RASA3: variants seen among roughly 807,000 people sequenced by gnomAD.
RASA3 encodes RAS p21 protein activator 3, also known as ras GTPase-activating protein 3.
In RASA3, 73 loss-of-function variants were observed where a neutral mutation model predicts 110.0. The observed-to-expected ratio is 0.66, with a 90% CI of 0.55 to 0.81. The LOEUF (loss-of-function observed/expected upper bound fraction) is 0.81, where lower values mean the gene tolerates loss of function less well. Ranked by LOEUF, RASA3 falls within the 30% of genes least tolerant of loss-of-function variation. The pLI, the probability that RASA3 is intolerant of heterozygous loss-of-function variation, is 0.00. For missense variants in RASA3, 976 were observed against 1,113.2 expected (o/e 0.88, Z 1.75); for synonymous variants, 500 against 451.4 (o/e 1.11, Z -1.37).
chr13:114,017,283 G>C lies in RASA3; in HGVS notation c.1160C>G (p.Ala387Gly). ...GGTGACATGCAGGTAATGCATCCCCGCCAGCTTCATGGTCTCGTCGATGCA... is the reference window on the plus strand; with the variant it reads ...GGTGACATGCAGGTAATGCATCCCCCCCAGCTTCATGGTCTCGTCGATGCA... ...SKCIDETMKL[A>G]GMHYLHVTLK... is the part of the protein sequence containing the mutation. The change falls in exon 12 of 24, where the codon GCG becomes GGG. Residue 387 changes from alanine (A) to glycine (G), a missense_variant. Ala to Gly is a moderately conservative substitution (Grantham distance 60). Around this residue, in one of 4 missense-constraint regions of RASA3, gnomAD observed 732 missense variants for 779.7 expected, o/e 0.94. Transcript: ENST00000334062. 1 of 1,613,866 alleles carries C rather than the reference G, an allele frequency of 6.2e-7. No individual in the cohort carries two copies. The highest frequency in any genetic ancestry group is 8.5e-7 in the Non-Finnish European group (1 of 1,180,014).
At chr13:114,023,144 C>G (rs1262318549) in intron 8 of RASA3, among the ~76,000 whole-genome samples, 1 of 152,250 alleles carries the variant, frequency 6.6e-6, no homozygotes, top group Non-Finnish European at 1.5e-5. Flanking sequence ...CAGTGTTAGC[C>G]CCTGGGAGGG....
chr13:114,102,689 C>T (rs2080074993), intron 1 of RASA3, among the ~76,000 whole-genome samples: 3 of 152,188 alleles, frequency 2.0e-5, no homozygotes, highest in South Asian at 4.1e-4. Flanking sequence ...GGTGTCACAG[C>T]CAAGGCTGCG....
intron 2 of RASA3, among the ~76,000 whole-genome samples, chr13:114,053,583 C>CAACG (rs1471320523): frequency 2.0e-5 from 3 of 152,216 alleles, no homozygotes. Flanking sequence ...ACACAGTCAC[C>CAACG]AACGGCACAG....
chr13:114,058,893 G>A (rs2079290866), intron 2 of RASA3, among the ~76,000 whole-genome samples: 1 of 152,186 alleles, frequency 6.6e-6, no homozygotes, highest in Non-Finnish European at 1.5e-5. Context: ...ACTTCCCTAA[G>A]CTCTTTTAAA....
intron 2 of RASA3, among the ~76,000 whole-genome samples, chr13:114,059,275 G>A (rs987266314): frequency 6.6e-6 from 1 of 152,200 alleles, no homozygotes; most frequent in African/African-American, 2.4e-5. Context: ...ACAGTCCCCA[G>A]GTGCAGCTGC....
At chr13:114,069,634 C>T (rs1358629653) in intron 2 of RASA3, among the ~76,000 whole-genome samples, 1 of 46,046 alleles carries the variant, frequency 2.2e-5, no homozygotes, top group Non-Finnish European at 4.0e-5. Flanking sequence ...CCGGGAGACT[C>T]GGGGAGCCGG....
At chr13:114,025,502 G>A (rs1486842916) in intron 7 of RASA3, among the ~76,000 whole-genome samples, 3 of 152,110 alleles carry the variant, frequency 2.0e-5, no homozygotes, top group African/African-American at 4.8e-5. Flanking sequence ...CCTGCCTCAC[G>A]CCCTCTCTGC....
intron 16 of RASA3, among the ~76,000 whole-genome samples, chr13:114,010,344 G>A (rs1418505759): frequency 1.3e-5 from 2 of 151,832 alleles, no homozygotes; most frequent in African/African-American, 4.8e-5. Flanking sequence ...GAGGGGGCCC[G>A]AAGGCATCGA....
chr13:113,992,446 TC>T (rs749476220), intron 22 of RASA3, 38 bp downstream of exon 22: 5 of 1,541,840 alleles, frequency 3.2e-6, no homozygotes, highest in Non-Finnish European at 4.5e-6. Flanking sequence ...TCGCCAGCCA[TC>T]CCCTCGCTGC....
chr13:114,067,714 C>T (rs574983355), intron 2 of RASA3, among the ~76,000 whole-genome samples: 2 of 152,302 alleles, frequency 1.3e-5, no homozygotes, highest in Middle Eastern at 3.4e-3. Context: ...ACACCCACTG[C>T]GTGCACACAG....
chr13:113,992,370 C>T (rs2053139274), intron 22 of RASA3, 115 bp downstream of exon 22: 1 of 753,036 alleles, frequency 1.3e-6, no homozygotes, highest in African/African-American at 1.7e-5. Flanking sequence ...CTACATGTAG[C>T]CCACACTACA....
At chr13:114,001,901 C>T (rs528039625) in intron 18 of RASA3, among the ~76,000 whole-genome samples, 2 of 152,382 alleles carry the variant, frequency 1.3e-5, no homozygotes, top group Admixed American at 1.3e-4. Context: ...TGGTAGAAGG[C>T]GCCACTGGGC....
chr13:113,988,964 C>T (rs1426082492), intron 22 of RASA3, among the ~76,000 whole-genome samples: 1 of 142,500 alleles, frequency 7.0e-6, no homozygotes, highest in Non-Finnish European at 1.5e-5. Context: ...ACACCCATCA[C>T]TCACCCTGTC....
intron 1 of RASA3, among the ~76,000 whole-genome samples, chr13:114,126,430 C>T (rs2080450364): frequency 6.6e-6 from 1 of 152,086 alleles, no homozygotes; most frequent in South Asian, 2.1e-4. Context: ...AGACCTCACT[C>T]TCTCTTCAGG....
intron 2 of RASA3, among the ~76,000 whole-genome samples, chr13:114,053,850 G>A (rs1301803364): frequency 6.6e-6 from 1 of 152,282 alleles, no homozygotes; most frequent in Non-Finnish European, 1.5e-5. Flanking sequence ...AAAAGGGCCA[G>A]TGCTGTGGCT....
chr13:114,023,391 G>T (rs975703392), intron 8 of RASA3, among the ~76,000 whole-genome samples: 2 of 152,202 alleles, frequency 1.3e-5, no homozygotes, highest in African/African-American at 4.8e-5. Flanking sequence ...GCTGGGGAGG[G>T]TCAGGAGGGA....
intron 12 of RASA3, among the ~76,000 whole-genome samples, 176 bp downstream of exon 12, chr13:114,017,061 T>C (rs2053809455): frequency 1.3e-5 from 2 of 152,176 alleles, no homozygotes; most frequent in African/African-American, 4.8e-5. Context: ...GGTTCTGGAG[T>C]ACACAGGGAA....
intron 2 of RASA3, among the ~76,000 whole-genome samples, chr13:114,062,524 A>G (rs902949192): frequency 3.9e-5 from 6 of 151,932 alleles, no homozygotes; most frequent in African/African-American, 1.4e-4. Context: ...TTCCACCCCC[A>G]GGTGTGCAGC....
At chr13:114,050,293 G>A (rs192261879) in intron 3 of RASA3, among the ~76,000 whole-genome samples, 3 of 152,326 alleles carry the variant, frequency 2.0e-5, no homozygotes, top group East Asian at 1.9e-4. Flanking sequence ...TCAGGTGCCC[G>A]CTGCACTCAG....
Sources: gnomAD v4.1 joint callset for allele counts (sites outside exome capture counted in the v4.1 genomes callset) on GRCh38, gnomAD v4.1.1 for gene constraint, gnomAD v4.1.1 regional missense constraint, MANE v1.5 for transcripts, NCBI Gene and HGNC (gene_info 2026-07-23, HGNC 2026-07-21) for gene names.